Variants in FAM53B observed in about 807,000 individuals in gnomAD.
The protein encoded by FAM53B is protein FAM53B.
A neutral mutation model predicts 32.7 loss-of-function variants in FAM53B; 12 were observed. The observed-to-expected ratio is 0.37, with a 90% confidence interval of 0.24 to 0.59. FAM53B has a LOEUF of 0.59. Ranked by LOEUF, FAM53B falls within the 20% of genes least tolerant of loss-of-function variation. The pLI, the probability that FAM53B is intolerant of heterozygous loss-of-function variation, is 0.72. For missense variants in FAM53B, 477 were observed against 577.7 expected, an observed-to-expected ratio of 0.83 and a Z score of 1.79; for synonymous variants, 234 against 228.7, an observed-to-expected ratio of 1.02 and a Z score of -0.21.
At chr10:124,694,268 T>C (rs1589753170) in intron 3 of FAM53B, among the ~76,000 whole-genome samples, 2 of 152,154 alleles carry the variant, frequency 1.3e-5, no homozygotes, top group Admixed American at 1.3e-4. Context: ...TAAACAGGAG[T>C]CTGCAGACAC....
intron 4 of FAM53B, among the ~76,000 whole-genome samples, chr10:124,674,963 C>T (rs1949728463): frequency 6.6e-6 from 1 of 152,232 alleles, no homozygotes; most frequent in African/African-American, 2.4e-5. Context: ...CTCCCAGAGT[C>T]TCATAGCTTC....
In FAM53B at chr10:124,688,446, G is replaced by A. The variant is rs549933630; in HGVS notation, c.134-6067C>T. Among the ~76,000 whole-genome samples, 7 of 152,320 alleles carry A rather than the reference G, an allele frequency of 4.6e-5. No homozygotes were observed. The South Asian group carries it at 6.2e-4, about 14-fold the overall frequency. The stretch of plus-strand genomic sequence containing the variant: ...GAGAGCGTGTGCATTTGTGTGTAGC[G>A]TAAACACACAAGAGCCTTTGCCTGC... On this transcript the variant is annotated intron_variant, in intron 3 of 4. Transcript: ENST00000337318.
At chr10:124,648,538 GC>G (rs1359153896) in intron 4 of FAM53B, among the ~76,000 whole-genome samples, 1 of 152,216 alleles carries the variant, frequency 6.6e-6, no homozygotes, top group Non-Finnish European at 1.5e-5. Context: ...TCATAGGAAT[GC>G]CATGAGACCT....
At chr10:124,643,824 G>A (rs536135754) in intron 4 of FAM53B, among the ~76,000 whole-genome samples, 121 of 152,322 alleles carry the variant, frequency 7.9e-4, no homozygotes, top group East Asian at 1.9e-3. Context: ...CTCCTGGAGC[G>A]GCCAGCAGGC....
intron 4 of FAM53B, among the ~76,000 whole-genome samples, chr10:124,634,624 C>T (rs1004900436): frequency 6.6e-6 from 1 of 152,180 alleles, no homozygotes; most frequent in Non-Finnish European, 1.5e-5. Flanking sequence ...CAGAGGCCTC[C>T]CCGGCCATGT....
chr10:124,636,940 ATCTGGGGGGAGCGAGACTTCTTTCC>A (rs1351670045), intron 4 of FAM53B, among the ~76,000 whole-genome samples: 3 of 151,920 alleles, frequency 2.0e-5, no homozygotes. Flanking sequence ...CTTCCTCTCG[ATCTGGGGGGAGCGAGACTTCTTTCC>A]TCCCAACATC....
At chr10:124,668,472 G>A (rs970064171) in intron 4 of FAM53B, among the ~76,000 whole-genome samples, 3 of 152,266 alleles carry the variant, frequency 2.0e-5, no homozygotes, top group African/African-American at 7.2e-5. Flanking sequence ...TTTAAAGCTG[G>A]CTACCAACTA....
At chr10:124,679,797 C>T (rs1998418) in intron 4 of FAM53B, among the ~76,000 whole-genome samples, 102,782 of 152,234 alleles carry the variant, frequency 0.68, 38,338 homozygotes, top group Non-Finnish European at 0.82. Context: ...TACAACTGGG[C>T]GCAGCCCCAC....
At chr10:124,723,024 C>T (rs1309436952) in intron 1 of FAM53B, among the ~76,000 whole-genome samples, 2 of 152,206 alleles carry the variant, frequency 1.3e-5, no homozygotes, top group Admixed American at 6.5e-5. Context: ...TCTCTAACCT[C>T]ATCTTTTAGA....
chr10:124,700,393 GC>G (rs1210653991), intron 2 of FAM53B, among the ~76,000 whole-genome samples: 2 of 152,078 alleles, frequency 1.3e-5, no homozygotes, highest in East Asian at 3.9e-4. Context: ...GAACCCCTCG[GC>G]CCTCTGAGGT....
intron 4 of FAM53B, among the ~76,000 whole-genome samples, chr10:124,665,996 C>T (rs1000314477): frequency 3.9e-5 from 6 of 152,222 alleles, no homozygotes; most frequent in African/African-American, 7.2e-5. Flanking sequence ...GTCTTGTACA[C>T]GCTAGTCTTC....
chr10:124,643,641 G>C (rs995583039), intron 4 of FAM53B, among the ~76,000 whole-genome samples: 4 of 152,238 alleles, frequency 2.6e-5, no homozygotes, highest in African/African-American at 9.6e-5. Context: ...GCTACATTGT[G>C]TCCACTGGCA....
At chr10:124,730,960 C>T (rs534139593) in intron 1 of FAM53B, among the ~76,000 whole-genome samples, 128 of 152,258 alleles carry the variant, frequency 8.4e-4, no homozygotes, top group African/African-American at 2.9e-3. Flanking sequence ...ATTACCTACA[C>T]AAACGGATGT....
At position 124,732,475 on chromosome 10, in the gene FAM53B, G is replaced by GCACGCCAC. The variant is rs1385512610; in HGVS notation, c.-175+11530_-175+11537dup. ...GGCCACGCTCCTCCATGGCAGAGGA[G>GCACGCCAC]CACGCCACCACGCCATGTCTCAGAA... On this transcript the variant is annotated intron_variant, in intron 1 of 4. Transcript: ENST00000337318. Among the ~76,000 whole-genome samples, 10 of 152,326 alleles carry GCACGCCAC rather than the reference G, an allele frequency of 6.6e-5. No individual in the cohort carries two copies. The East Asian group carries it at 1.9e-3, about 29-fold the overall frequency.
At chr10:124,644,365 T>A (rs80206436) in intron 4 of FAM53B, among the ~76,000 whole-genome samples, 8,133 of 152,226 alleles carry the variant, frequency 0.053, 709 homozygotes, top group African/African-American at 0.18. Context: ...CCAGCAAACC[T>A]AGGAGCTTTG....
intron 1 of FAM53B, among the ~76,000 whole-genome samples, chr10:124,731,589 T>TC (rs1442408641): frequency 1.3e-5 from 2 of 151,958 alleles, no homozygotes; most frequent in African/African-American, 2.4e-5. Context: ...TTTTTTTTTT[T>TC]TTAAGGAATC....
At chr10:124,635,387 G>A (rs7088384) in intron 4 of FAM53B, among the ~76,000 whole-genome samples, 9,173 of 152,168 alleles carry the variant, frequency 0.06, 868 homozygotes, top group African/African-American at 0.21. Context: ...ACGCTCGGCC[G>A]ACACAATTAT....
chr10:124,677,367 C>T (rs1949742466), intron 4 of FAM53B, among the ~76,000 whole-genome samples: 1 of 152,230 alleles, frequency 6.6e-6, no homozygotes, highest in African/African-American at 2.4e-5. Flanking sequence ...TGCAGCCTCA[C>T]AGAGAACACC....
chr10:124,681,958 T>G lies in FAM53B; in HGVS notation c.555A>C (p.Gly185=). 1 of 1,613,834 alleles carries G rather than the reference T, an allele frequency of 6.2e-7. No individual in the cohort carries two copies. The highest frequency in any genetic ancestry group is 8.5e-7 in the Non-Finnish European group (1 of 1,179,970). The stretch of plus-strand genomic sequence containing the variant: ...GCTGCCCTCCAAATCGGTGGTGGAG[T>G]CCTGCCTGGTCGCAGGGTGAGGAGA... ...NVLSSPCDQA[G]LHHRFGGQPC... The change falls in exon 4 of 5, where the codon GGA becomes GGC. Residue 185 remains glycine, a synonymous_variant. Transcript: ENST00000337318.
Sources: allele counts gnomAD v4.1 joint callset (sites outside exome capture counted in the v4.1 genomes callset), GRCh38; gene constraint gnomAD v4.1.1; transcripts MANE v1.5; gene names NCBI Gene and HGNC (gene_info 2026-07-23, HGNC 2026-07-21).